Variants in MCTP2 observed in about 807,000 individuals in gnomAD.
MCTP2 encodes the protein multiple C2 and transmembrane domain-containing protein 2.
MCTP2 carries 132 observed loss-of-function variants against 111.6 expected under a neutral mutation model. The observed-to-expected ratio is 1.18, with a 90% CI of 1.03 to 1.37. MCTP2 has a LOEUF of 1.37. MCTP2 is among the 40% of genes most tolerant of loss of function. The pLI, the probability that MCTP2 is intolerant of heterozygous loss-of-function variation, is 0.00. For missense variants in MCTP2, 1,183 were observed against 1,067.9 expected (o/e 1.11, Z -1.50); for synonymous variants, 395 against 387.7 (o/e 1.02, Z -0.22).
rs543039655 is a variant in MCTP2, at chr15:94,314,462, G to A, written c.528+118G>A. On this transcript the variant is annotated intron_variant, in intron 3 of 22. Coordinates refer to ENST00000357742, the MANE Select transcript of MCTP2 (RefSeq NM_001385001.1). ...AAAAAAAAAAAAAAAATGCCAAACC[G>A]TATCCACTTACAAAACCAGGCCTTG... 2.5e-4 allele frequency: 181 copies of A among 733,846 alleles called. 1 individual carries two copies. The East Asian group carries it at 4.3e-3, about 18-fold the overall frequency. The allele number at this position is 733,846 out of a possible 1,614,324, so 45.5% of individuals were successfully genotyped here. A position where few individuals can be genotyped will look rare whatever the true frequency, so the allele number is the denominator to read the frequency against.
At chr15:94,342,828 T>C (rs1051063345) in intron 7 of MCTP2, 1 of 150,886 alleles carries the variant, frequency 6.6e-6, no homozygotes, top group African/African-American at 2.4e-5. Flanking sequence ...AAGTTGGGTT[T>C]GTAAAGGTAG....
intron 2 of MCTP2, among the ~76,000 whole-genome samples, chr15:94,300,426 C>T (rs369042878): frequency 5.3e-5 from 8 of 149,670 alleles, no homozygotes; most frequent in East Asian, 4.0e-4. Context: ...AGGAGAATGG[C>T]ATGAACGCGG....
intron 11 of MCTP2, 53 bp downstream of exon 11, chr15:94,367,844 A>G (rs1365884324): frequency 1.4e-6 from 2 of 1,456,168 alleles, no homozygotes; most frequent in African/African-American, 2.9e-5. Context: ...TCTCTTTTAA[A>G]ACAAAGTCTT....
In MCTP2 at chr15:94,282,654, T is replaced by G. The variant is rs547744784; in HGVS notation, c.-65-15547T>G. ...CCAGAGATCTTGCACTAGTTCTTTC[T>G]CATCTGTATGGGCTGATGTTCCTTT... On this transcript the variant is annotated intron_variant, in intron 1 of 22. Coordinates refer to ENST00000357742, the MANE Select transcript of MCTP2 (RefSeq NM_001385001.1). Among the ~76,000 whole-genome samples, 3 of 152,376 alleles carry G rather than the reference T, an allele frequency of 2.0e-5. No homozygotes were observed. In the South Asian group the frequency reaches 6.2e-4, roughly 32 times the overall value.
intron 17 of MCTP2, among the ~76,000 whole-genome samples, chr15:94,421,922 A>G (rs1486607403): frequency 5.3e-5 from 8 of 152,142 alleles, no homozygotes; most frequent in Non-Finnish European, 8.8e-5. Flanking sequence ...TCTTCCATTC[A>G]TGTGGCTTCC....
In MCTP2 at chr15:94,257,593, T is replaced by G. The variant is rs1465820073; in HGVS notation, c.-66+25929T>G. On this transcript the variant is annotated intron_variant, in intron 1 of 22. Coordinates refer to ENST00000357742, the MANE Select transcript of MCTP2 (RefSeq NM_001385001.1). ...TGTTTTTTTTTTTTTTTTTTTTTTTTTTTTTTTTTTTGAGACGGAGTCTTG... is the reference window on the plus strand; with the variant it reads ...TGTTTTTTTTTTTTTTTTTTTTTTTGTTTTTTTTTTTGAGACGGAGTCTTG... Among the ~76,000 whole-genome samples the G allele has an allele frequency of 2.5e-4, 15 of 59,810 alleles. 1 individual carries two copies. Among genetic ancestry groups the G allele is most frequent in the African/African-American group, 1.1e-3 (15 of 14,096 alleles). 39.2% of individuals were successfully genotyped at this position (59,810 alleles called of 152,430 possible).
chr15:94,353,890 T>C (rs1256319552), intron 8 of MCTP2, among the ~76,000 whole-genome samples: 1 of 152,188 alleles, frequency 6.6e-6, no homozygotes. Context: ...TATATGTGCA[T>C]ATATGCAGAT....
At chr15:94,301,675 G>T (rs902658236) in intron 2 of MCTP2, among the ~76,000 whole-genome samples, 1 of 152,096 alleles carries the variant, frequency 6.6e-6, no homozygotes, top group Non-Finnish European at 1.5e-5. Flanking sequence ...TTTTTCCTGT[G>T]AGTTTTCTTT....
chr15:94,324,437 G>A (rs370705506), intron 4 of MCTP2, among the ~76,000 whole-genome samples: 2 of 152,320 alleles, frequency 1.3e-5, no homozygotes, highest in African/African-American at 4.8e-5. Context: ...GTTGCAAAAG[G>A]AAAAGAAAAG....
intron 2 of MCTP2, among the ~76,000 whole-genome samples, chr15:94,302,022 C>T (rs909497688): frequency 6.6e-6 from 1 of 152,080 alleles, no homozygotes. Context: ...ATGTGGCAAG[C>T]CTGGTGTACA....
chr15:94,312,512 C>T (rs189413237), intron 2 of MCTP2, among the ~76,000 whole-genome samples: 90 of 152,330 alleles, frequency 5.9e-4, no homozygotes, highest in Admixed American at 2.6e-3. Context: ...GGTACTTCCT[C>T]AGTCAGAGGC....
At chr15:94,309,377 GT>G (rs1341875532) in intron 2 of MCTP2, among the ~76,000 whole-genome samples, 2 of 152,206 alleles carry the variant, frequency 1.3e-5, no homozygotes, top group Non-Finnish European at 2.9e-5. Context: ...TAATGGGGCA[GT>G]TTTTAAAGAG....
At chr15:94,464,257 T>TATATA (rs4001978) in intron 20 of MCTP2, among the ~76,000 whole-genome samples, 62 of 44,934 alleles carry the variant, frequency 1.4e-3, no homozygotes, top group African/African-American at 3.6e-3. Context: ...TATATATATA[T>TATATA]TATATATATA....
chr15:94,300,102 CT>C (rs568561908), intron 2 of MCTP2, among the ~76,000 whole-genome samples: 94 of 151,394 alleles, frequency 6.2e-4, no homozygotes, highest in Non-Finnish European at 1.3e-3. Flanking sequence ...TAATCTTCGT[CT>C]TTTTTTTTCC....
intron 1 of MCTP2, among the ~76,000 whole-genome samples, chr15:94,297,711 A>G (rs1378261157): frequency 6.6e-6 from 1 of 152,168 alleles, no homozygotes; most frequent in Non-Finnish European, 1.5e-5. Flanking sequence ...CGCACAGCAG[A>G]GTTGAGTAGT....
intron 5 of MCTP2, 117 bp downstream of exon 5, chr15:94,339,549 A>G (rs996177242): frequency 2.8e-6 from 2 of 708,194 alleles, no homozygotes; most frequent in Non-Finnish European, 4.2e-6. Context: ...ACAGATTAAA[A>G]ATAATAATAT....
chr15:94,240,514 G>A (rs911089163), intron 1 of MCTP2, among the ~76,000 whole-genome samples: 3 of 152,148 alleles, frequency 2.0e-5, no homozygotes, highest in Admixed American at 2.0e-4. Flanking sequence ...CCTGAGTTTG[G>A]AAGTAGCTGT....
At chr15:94,474,228 C>G (rs963266400) in intron 21 of MCTP2, among the ~76,000 whole-genome samples, 7 of 152,110 alleles carry the variant, frequency 4.6e-5, no homozygotes, top group African/African-American at 1.4e-4. Flanking sequence ...AATGTGTCTG[C>G]ATCATCATAG....
At chr15:94,402,098 G>A (rs1336453698) in intron 17 of MCTP2, 79 bp downstream of exon 17, 3 of 1,515,944 alleles carry the variant, frequency 2.0e-6, no homozygotes, top group Non-Finnish European at 2.7e-6. Context: ...TTACAGCGTA[G>A]GTGATTACGT....
Sources: allele counts gnomAD v4.1 joint callset (sites outside exome capture counted in the v4.1 genomes callset), GRCh38; gene constraint gnomAD v4.1.1; transcripts MANE v1.5; gene names NCBI Gene and HGNC (gene_info 2026-07-23, HGNC 2026-07-21).